LCP2: variants seen among roughly 807,000 people sequenced by gnomAD.
The protein encoded by LCP2 is lymphocyte cytosolic protein 2, also known as 76 kDa tyrosine phosphoprotein.
A neutral mutation model predicts 74.5 loss-of-function variants in LCP2; 29 were observed. The ratio of observed to expected loss-of-function variants is 0.39; its 90% confidence interval spans 0.29 to 0.53. The LOEUF (loss-of-function observed/expected upper bound fraction) is 0.53, where lower values mean the gene tolerates loss of function less well. Among genes scored for constraint, LCP2 ranks in the 20% least tolerant of loss-of-function variants. LCP2 has a pLI of 0.72. For missense variants in LCP2, 604 were observed against 634.6 expected (o/e 0.95, Z 0.52); for synonymous variants, 228 against 229.5 (o/e 0.99, Z 0.06).
chr5:170,291,226 A>AAGGAAGAAAGGAAGG (rs1561979324), intron 2 of LCP2, among the ~76,000 whole-genome samples: 18 of 53,002 alleles, frequency 3.4e-4, no homozygotes, highest in African/African-American at 1.2e-3. Context: ...AGGAAGGAAG[A>AAGGAAGAAAGGAAGG]AAGGAAGGAA....
At chr5:170,297,169 G>A (rs1321091518) in intron 1 of LCP2, among the ~76,000 whole-genome samples, 2 of 152,146 alleles carry the variant, frequency 1.3e-5, no homozygotes, top group Admixed American at 1.3e-4. Flanking sequence ...GTAGTCCCTA[G>A]GGCTTCGGAC....
chr5:170,274,205 A>G, intron 6 of LCP2, 96 bp downstream of exon 6: 1 of 1,280,706 alleles, frequency 7.8e-7, no homozygotes, highest in Non-Finnish European at 1.1e-6. Context: ...GCATCATGTT[A>G]GAGCCCCGCT....
chr5:170,293,703 G>C (rs963787799), intron 1 of LCP2, among the ~76,000 whole-genome samples: 4 of 152,198 alleles, frequency 2.6e-5, no homozygotes, highest in African/African-American at 9.7e-5. Flanking sequence ...CCATTGTCTC[G>C]ATGCCCAGAG....
intron 10 of LCP2, 81 bp from the exon 11 acceptor site, chr5:170,263,073 A>G (rs1416358525): frequency 7.3e-6 from 11 of 1,506,354 alleles, no homozygotes; most frequent in Non-Finnish European, 1.0e-5. Context: ...TGATGAAACT[A>G]TGAGTCTGAA....
At chr5:170,285,715 C>T (rs1240157571) in intron 3 of LCP2, among the ~76,000 whole-genome samples, 2 of 152,210 alleles carry the variant, frequency 1.3e-5, no homozygotes, top group Non-Finnish European at 2.9e-5. Flanking sequence ...CTACTCTTTC[C>T]TCCAATACTG....
intron 8 of LCP2, chr5:170,267,317 C>T (rs1761784040): frequency 5.2e-6 from 3 of 582,218 alleles, no homozygotes; most frequent in East Asian, 2.8e-5. Flanking sequence ...TGCTAAGCCT[C>T]CTATCACATT....
chr5:170,250,306 T>C (rs1455770086), intron 20 of LCP2, among the ~76,000 whole-genome samples: 8 of 152,228 alleles, frequency 5.3e-5, no homozygotes, highest in Non-Finnish European at 8.8e-5. Flanking sequence ...CTCCATTTTG[T>C]TAAGAAATGA....
In LCP2 at chr5:170,268,607, C is replaced by CCCAGCCACGGGGAGA. The variant is rs1761818268; in HGVS notation, c.524-126_524-125insTCTCCCCGTGGCTGG. The CCCAGCCACGGGGAGA allele has an allele frequency of 3.9e-5, 6 of 155,738 alleles. No individual in the cohort carries two copies. In the South Asian group the frequency reaches 6.6e-4, roughly 17 times the overall value. The allele number at this position is 155,738 out of a possible 1,614,324, so 9.6% of individuals were successfully genotyped here. A position where few individuals can be genotyped will look rare whatever the true frequency, so the allele number is the denominator to read the frequency against. On this transcript the variant is annotated intron_variant, in intron 7 of 20. Coordinates refer to ENST00000046794, the MANE Select transcript of LCP2 (RefSeq NM_005565.5). ...TCCTTGACCCCCAGGCCCACATGAG[C>CCCAGCCACGGGGAGA]CCCAGCCACGGGGAGACCCAGCCTG...
At chr5:170,262,121 T>C (rs932652458) in intron 13 of LCP2, among the ~76,000 whole-genome samples, 3 of 152,158 alleles carry the variant, frequency 2.0e-5, no homozygotes, top group African/African-American at 7.2e-5. Flanking sequence ...CCCAGGTACA[T>C]GCGCGCCATT....
At chr5:170,253,878 C>A (rs565686882) in intron 17 of LCP2, among the ~76,000 whole-genome samples, 1 of 152,236 alleles carries the variant, frequency 6.6e-6, no homozygotes, top group East Asian at 1.9e-4. Flanking sequence ...ACTCTTTTTT[C>A]TCATTTACAG....
At chr5:170,290,551 C>T (rs1199531508) in intron 2 of LCP2, among the ~76,000 whole-genome samples, 2 of 152,184 alleles carry the variant, frequency 1.3e-5, no homozygotes, top group South Asian at 2.1e-4. Flanking sequence ...TACACCTTCT[C>T]CTCTTTGCCT....
In LCP2 at chr5:170,253,129, G is replaced by A. The variant is rs376580265; in HGVS notation, c.1235C>T (p.Ala412Val). The stretch of plus-strand genomic sequence containing the variant: ...AACATGCTCTCTTACCTCTTCCTCC[G>A]CGGGGGATGGGGGCCGAGGTTTGTT... Reference protein sequence around the residue: ...LPNKPRPPSPAEEENSLNEEW... With the variant: ...LPNKPRPPSPVEEENSLNEEW... The change falls in exon 18 of 21, where the codon GCG becomes GTG. Residue 412 changes from alanine (A) to valine (V), a missense_variant. Transcript: ENST00000046794. 3.1e-6 allele frequency: 5 copies of A among 1,608,022 alleles called. No individual in the cohort carries two copies. The highest frequency in any genetic ancestry group is 1.3e-5 in the African/African-American group (1 of 74,894).
At chr5:170,297,459 A>G (rs1762410064) in intron 1 of LCP2, 75 bp downstream of exon 1, 1 of 1,345,602 alleles carries the variant, frequency 7.4e-7, no homozygotes, top group Non-Finnish European at 1.0e-6. Flanking sequence ...TTCTGCCCCA[A>G]TTCCATCGTC....
In LCP2 at chr5:170,246,273, T is replaced by C; in HGVS notation, c.*2424A>G. ...GCTGTTTAATGTTTTGAAGAATGGC[T>C]TAACTTACGTCACTAATGGCAAGTG... On this transcript the variant is annotated 3_prime_UTR_variant, in exon 21 of 21. Coordinates refer to ENST00000046794, the MANE Select transcript of LCP2 (RefSeq NM_005565.5). 5.1e-6 allele frequency: 3 copies of C among 593,696 alleles called. No individual in the cohort carries two copies. Among genetic ancestry groups the C allele is most frequent in the Non-Finnish European group, 8.3e-6 (3 of 362,052 alleles). The allele number at this position is 593,696 out of a possible 1,614,324, so 36.8% of individuals were successfully genotyped here. A position where few individuals can be genotyped will look rare whatever the true frequency, so the allele number is the denominator to read the frequency against.
At chr5:170,295,691 T>G (rs1326656284) in intron 1 of LCP2, among the ~76,000 whole-genome samples, 2 of 152,150 alleles carry the variant, frequency 1.3e-5, no homozygotes, top group Non-Finnish European at 2.9e-5. Context: ...CTGCGGTCCA[T>G]TCGTTTGGTA....
chr5:170,267,220 G>A, intron 8 of LCP2, 145 bp from the exon 9 acceptor site: 3 of 771,416 alleles, frequency 3.9e-6, no homozygotes, highest in South Asian at 1.6e-5. Context: ...CTGAACTACC[G>A]CAGTAGCCTC....
rs1318502528 is a variant in LCP2, at chr5:170,246,479, TGACTTG to T, written c.*2212_*2217del. 1 of 164,052 alleles carries T rather than the reference TGACTTG, an allele frequency of 6.1e-6. No individual in the cohort carries two copies. The highest frequency in any genetic ancestry group is 1.3e-5 in the Non-Finnish European group (1 of 75,198). 10.2% of individuals were successfully genotyped at this position (164,052 alleles called of 1,614,324 possible). On this transcript the variant is annotated 3_prime_UTR_variant, in exon 21 of 21. Transcript: ENST00000046794. ...CAGCTGAAGCATTTATTGAGTCATG[TGACTTG>T]GAAGCACATAGTTGGAATAGATTTC... is the stretch of plus-strand genomic sequence containing the variant.
At chr5:170,281,560 A>G (rs554871601) in intron 3 of LCP2, among the ~76,000 whole-genome samples, 15 of 152,328 alleles carry the variant, frequency 9.8e-5, no homozygotes, top group East Asian at 1.9e-4. Context: ...GATTACAGGC[A>G]TTTGAGTGGC....
In LCP2 at chr5:170,266,855, G is replaced by A; in HGVS notation, c.725C>T (p.Pro242Leu). The change falls in exon 10 of 21, where the codon CCC becomes CTC. Residue 242 changes from proline to leucine, a missense_variant. Transcript: ENST00000046794. ...AAACGGAGCTAATGAACGATCTAGG[G>A]GAGGTTTCGTGCTTCTGTCTATTGA... ...APSIDRSTKP[P>L]LDRSLAPFDR... 6.2e-7 allele frequency: 1 copy of A among 1,614,000 alleles called. No homozygotes were observed. The highest frequency in any genetic ancestry group is 8.5e-7 in the Non-Finnish European group (1 of 1,179,886).
Sources: allele counts gnomAD v4.1 joint callset (sites outside exome capture counted in the v4.1 genomes callset), GRCh38; gene constraint gnomAD v4.1.1; transcripts MANE v1.5; gene names NCBI Gene and HGNC (gene_info 2026-07-23, HGNC 2026-07-21).